Variants in ADAMTS20 observed in about 807,000 individuals in gnomAD.
The protein encoded by ADAMTS20 is ADAM metallopeptidase with thrombospondin type 1 motif 20, also known as A disintegrin and metalloproteinase with thrombospondin motifs 20.
In ADAMTS20, 225 loss-of-function variants were observed where a neutral mutation model predicts 260.1. That is an observed-to-expected ratio of 0.87 (90% CI 0.78 to 0.97). The LOEUF (loss-of-function observed/expected upper bound fraction) is 0.97. ADAMTS20 is among the 50% of genes least tolerant of loss of function. ADAMTS20 has a pLI of 0.00. For synonymous variants in ADAMTS20, 802 were observed against 769.5 expected (o/e 1.04, Z -0.70); for missense variants, 2,400 against 2,337.7 (o/e 1.03, Z -0.55).
rs1011524403 is a variant in ADAMTS20, at chr12:43,510,708, T to A, written c.614-8303A>T. 3.9e-5 allele frequency among the ~76,000 whole-genome samples: 6 copies of A among 152,040 alleles called. No individual in the cohort carries two copies. The East Asian group carries it at 1.2e-3, about 29-fold the overall frequency. On this transcript the variant is annotated intron_variant, in intron 3 of 38. Transcript: ENST00000389420. ...CCAAAATACAAAATCACGCACACCA[T>A]GCAACAATGATAATCTGCCCACTAG...
intron 37 of ADAMTS20, among the ~76,000 whole-genome samples, chr12:43,357,491 T>C (rs1939770303): frequency 6.6e-6 from 1 of 152,210 alleles, no homozygotes; most frequent in Non-Finnish European, 1.5e-5. Flanking sequence ...TTAATATTGC[T>C]AAAACAAATA....
intron 28 of ADAMTS20, among the ~76,000 whole-genome samples, chr12:43,403,734 A>T (rs1940858542): frequency 6.6e-6 from 1 of 152,146 alleles, no homozygotes; most frequent in Non-Finnish European, 1.5e-5. Flanking sequence ...AACTAAAAAG[A>T]GTACTGCAGA....
chr12:43,499,936 C>G (rs961349587), intron 4 of ADAMTS20, among the ~76,000 whole-genome samples: 1 of 152,114 alleles, frequency 6.6e-6, no homozygotes, highest in Non-Finnish European at 1.5e-5. Context: ...ATGCCCAAAG[C>G]ACTGACAATA....
At position 43,425,653 on chromosome 12, in the gene ADAMTS20, A is replaced by G. The variant is rs1210422017; in HGVS notation, c.4145T>C (p.Leu1382Pro). The stretch of plus-strand genomic sequence containing the variant: ...GCCATTGGGAAATTGACATATTACA[A>G]GTCTTGATTTTATTCCTCCTCCACA... ...QTCGGGIKSR[L>P]VICQFPNGQI... Residue 1382 changes from leucine (L) to proline (P), a missense_variant, in exon 28 of 39, where the codon CTT becomes CCT. Physicochemically the swap from Leu to Pro is moderately conservative, Grantham distance 98 (BLOSUM62 -3). Coordinates refer to ENST00000389420, the MANE Select transcript of ADAMTS20 (RefSeq NM_025003.5). 1 of 1,607,394 alleles carries G rather than the reference A, an allele frequency of 6.2e-7. No individual in the cohort carries two copies. The highest frequency in any genetic ancestry group is 1.1e-5 in the South Asian group (1 of 89,954).
At chr12:43,462,859 A>G (rs777942117) in intron 11 of ADAMTS20, 36 bp downstream of exon 11, 1 of 1,512,274 alleles carries the variant, frequency 6.6e-7, no homozygotes, top group East Asian at 2.3e-5. Flanking sequence ...CTTGGATAAT[A>G]TCTTCATACA....
At chr12:43,539,914 C>T (rs1341758095) in intron 2 of ADAMTS20, among the ~76,000 whole-genome samples, 1 of 149,128 alleles carries the variant, frequency 6.7e-6, no homozygotes, top group Non-Finnish European at 1.5e-5. Flanking sequence ...GACAGAGTCT[C>T]ACTCTATCGC....
At chr12:43,375,329 C>G (rs1223108631) in intron 36 of ADAMTS20, 50 bp downstream of exon 36, 1 of 1,583,046 alleles carries the variant, frequency 6.3e-7, no homozygotes, top group South Asian at 1.1e-5. Context: ...GTTTGACGTT[C>G]ATAAGCAAAT....
chr12:43,387,254 C>T (rs1940499251), intron 29 of ADAMTS20, among the ~76,000 whole-genome samples: 2 of 152,194 alleles, frequency 1.3e-5, no homozygotes, highest in African/African-American at 4.8e-5. Flanking sequence ...CCCTCTGTTG[C>T]AGGTCTGCTG....
rs1163484832 is a variant in ADAMTS20, at chr12:43,452,549, G to C, written c.1907C>G (p.Pro636Arg). The part of the protein sequence containing the change: ...NGKHLDISGI[P>R]SNVRWLPRYS... ...TCTTGGAAGCCACCTCACATTAGAGGGAATGCCACTGATGTCCAAATGTTT... is the reference window on the plus strand; with the variant it reads ...TCTTGGAAGCCACCTCACATTAGAGCGAATGCCACTGATGTCCAAATGTTT... Residue 636 changes from proline (P) to arginine (R), a missense_variant, in exon 13 of 39, where the codon CCC becomes CGC. Transcript: ENST00000389420. 1 of 1,613,274 alleles carries C rather than the reference G, an allele frequency of 6.2e-7. No homozygotes were observed. The highest frequency in any genetic ancestry group is 1.3e-5 in the African/African-American group (1 of 74,878).
rs747496684 is a variant in ADAMTS20, at chr12:43,420,800, C to CTTTTTTT, written c.4284+4707_4284+4713dup. Among the ~76,000 whole-genome samples the CTTTTTTT allele has an allele frequency of 1.3e-3, 72 of 55,510 alleles. 2 individuals are homozygous for CTTTTTTT. Among genetic ancestry groups the CTTTTTTT allele is most frequent in the East Asian group, 8.2e-3 (6 of 734 alleles). 36.4% of individuals were successfully genotyped at this position (55,510 alleles called of 152,430 possible). On this transcript the variant is annotated intron_variant, in intron 28 of 38. Coordinates refer to ENST00000389420, the MANE Select transcript of ADAMTS20 (RefSeq NM_025003.5). ...TCTTCTTCTTCTCCTCCTCCTCCTT[C>CTTTTTTT]TTTTTTTTTTTTTTTTTTTTTTTTT... is the stretch of plus-strand genomic sequence containing the variant.
chr12:43,439,918 T>C lies in ADAMTS20; in HGVS notation c.2442A>G (p.Gln814=). The change falls in exon 17 of 39, where the codon CAA becomes CAG. Residue 814 remains glutamine (Q), a synonymous_variant. Coordinates refer to ENST00000389420, the MANE Select transcript of ADAMTS20 (RefSeq NM_025003.5). ...AVERINSTNR[Q]EKELILQVLC... is the part of the protein sequence containing the mutation. ...TTACCTGCAAAATAAGTTCTTTCTCTTGTCGATTAGTACTATTAATTCTTT... is the reference window on the plus strand; with the variant it reads ...TTACCTGCAAAATAAGTTCTTTCTCCTGTCGATTAGTACTATTAATTCTTT... 6.2e-7 allele frequency: 1 copy of C among 1,605,840 alleles called. No homozygotes were observed. Among genetic ancestry groups the C allele is most frequent in the Non-Finnish European group, 8.5e-7 (1 of 1,175,816 alleles).
chr12:43,471,744 A>C (rs1277047673), intron 7 of ADAMTS20, among the ~76,000 whole-genome samples: 3 of 143,718 alleles, frequency 2.1e-5, no homozygotes, highest in Admixed American at 1.4e-4. Context: ...CTCACATGGC[A>C]GGGTATTCCA....
At chr12:43,503,890 A>C (rs1408229005) in intron 3 of ADAMTS20, among the ~76,000 whole-genome samples, 1 of 152,052 alleles carries the variant, frequency 6.6e-6, no homozygotes, top group Non-Finnish European at 1.5e-5. Context: ...AAAGAACATG[A>C]TCTTATTCTT....
intron 3 of ADAMTS20, among the ~76,000 whole-genome samples, chr12:43,503,499 TAA>T (rs1942797521): frequency 6.6e-6 from 1 of 152,124 alleles, no homozygotes; most frequent in Admixed American, 6.5e-5. Flanking sequence ...CTTTAGACAT[TAA>T]GTTTCCACAG....
At chr12:43,482,775 G>C (rs1341337686) in intron 7 of ADAMTS20, among the ~76,000 whole-genome samples, 1 of 152,148 alleles carries the variant, frequency 6.6e-6, no homozygotes, top group African/African-American at 2.4e-5. Context: ...TACCTCCCCT[G>C]GGTAACATAA....
chr12:43,404,008 T>C (rs1940863928), intron 28 of ADAMTS20, among the ~76,000 whole-genome samples: 2 of 152,118 alleles, frequency 1.3e-5, no homozygotes, highest in Admixed American at 1.3e-4. Context: ...TTCTCGAAAC[T>C]CCCTTCTCTG....
chr12:43,495,820 T>C (rs180840691), intron 4 of ADAMTS20, among the ~76,000 whole-genome samples: 44 of 152,356 alleles, frequency 2.9e-4, no homozygotes, highest in Non-Finnish European at 4.3e-4. Flanking sequence ...ACTAAAATAG[T>C]ATATTTCATT....
intron 29 of ADAMTS20, among the ~76,000 whole-genome samples, chr12:43,387,259 C>G (rs184774707): frequency 6.6e-6 from 1 of 152,188 alleles, no homozygotes; most frequent in Admixed American, 6.5e-5. Context: ...TGTTGCAGGT[C>G]TGCTGGAGTT....
In ADAMTS20 at chr12:43,457,730, CACT is replaced by C. The variant is rs1184223542; in HGVS notation, c.1615-3681_1615-3679del. On this transcript the variant is annotated intron_variant, in intron 11 of 38. Coordinates refer to ENST00000389420, the MANE Select transcript of ADAMTS20 (RefSeq NM_025003.5). The stretch of plus-strand genomic sequence containing the variant: ...ATCAAAAATTGACCTTTCATTATCT[CACT>C]ACTACTACTCTGGTTTGAGCACTAG... Among the ~76,000 whole-genome samples, 11 of 152,298 alleles carry C rather than the reference CACT, an allele frequency of 7.2e-5. No homozygotes were observed. The East Asian group carries it at 1.9e-3, about 27-fold the overall frequency.
Sources: allele counts gnomAD v4.1 joint callset (sites outside exome capture counted in the v4.1 genomes callset), GRCh38; gene constraint gnomAD v4.1.1; transcripts MANE v1.5; gene names NCBI Gene and HGNC (gene_info 2026-07-23, HGNC 2026-07-21).